Variants in AQR observed in about 807,000 individuals in gnomAD.
AQR encodes RNA helicase aquarius.
In AQR, 61 loss-of-function variants were observed where a neutral mutation model predicts 180.5. The ratio of observed to expected loss-of-function variants is 0.34; its 90% CI spans 0.28 to 0.42. AQR has a LOEUF of 0.42. Among genes scored for constraint, AQR ranks in the 10% least tolerant of loss-of-function variants. AQR has a pLI of 1.00. For synonymous variants in AQR, 551 were observed against 588.8 expected, an observed-to-expected ratio of 0.94 and a Z score of 0.93; for missense variants, 1,281 against 1,798.3, an observed-to-expected ratio of 0.71 and a Z score of 5.20.
intron 12 of AQR, among the ~76,000 whole-genome samples, chr15:34,929,744 T>C (rs895052371): frequency 7.9e-5 from 12 of 151,928 alleles, no homozygotes; most frequent in Non-Finnish European, 1.3e-4. Context: ...GCTGGATTAC[T>C]TTAAACAGAA....
At chr15:34,915,932 G>A (rs1195980436) in intron 15 of AQR, among the ~76,000 whole-genome samples, 2 of 150,848 alleles carry the variant, frequency 1.3e-5, no homozygotes, top group Non-Finnish European at 2.9e-5. Flanking sequence ...GGCAACAAGA[G>A]CAAAACTCCG....
chr15:34,861,990 T>A (rs564161962), intron 33 of AQR, among the ~76,000 whole-genome samples: 1 of 152,176 alleles, frequency 6.6e-6, no homozygotes, highest in African/African-American at 2.4e-5. Context: ...GTCTATAGTA[T>A]AATAACCTGA....
intron 24 of AQR, among the ~76,000 whole-genome samples, chr15:34,888,364 T>G (rs992995522): frequency 2.0e-5 from 3 of 151,518 alleles, no homozygotes; most frequent in African/African-American, 7.3e-5. Context: ...TCTGCTCAAT[T>G]AGTACATTAT....
intron 17 of AQR, among the ~76,000 whole-genome samples, chr15:34,908,391 G>C (rs1032712220): frequency 1.3e-5 from 2 of 151,990 alleles, no homozygotes; most frequent in African/African-American, 2.4e-5. Context: ...AGCCGAGATT[G>C]TGCCACTGCC....
At chr15:34,930,415 G>A (rs764866512) in intron 11 of AQR, 44 bp from the exon 12 acceptor site, 4 of 1,117,958 alleles carry the variant, frequency 3.6e-6, no homozygotes, top group Middle Eastern at 1.9e-4. Flanking sequence ...GAACATAAGG[G>A]CAAGAAAGCA....
chr15:34,857,628 G>A (rs1195567571), intron 34 of AQR, among the ~76,000 whole-genome samples: 1 of 152,198 alleles, frequency 6.6e-6, no homozygotes, highest in African/African-American at 2.4e-5. Context: ...GCAGGAGCCT[G>A]TAATCCCATC....
chr15:34,903,672 A>T (rs916395620), intron 19 of AQR, among the ~76,000 whole-genome samples: 1 of 152,186 alleles, frequency 6.6e-6, no homozygotes, highest in African/African-American at 2.4e-5. Context: ...ATGTCTAAGA[A>T]GTACTGCACT....
Position 34,873,943 on chromosome 15 carries a change from T to C in AQR, c.3482A>G (p.Gln1161Arg), listed in dbSNP as rs1892857721. ...YKNLGNLPHV[Q>R]LLPEFSTANA... ...TGCTGTACTAAACTCTGGCAAGAGC[T>C]GCACATGGGGTAAGTTTCCTAGATT... The change falls in exon 30 of 35, where the codon CAG (glutamine) becomes CGG (arginine). Residue 1161 changes from glutamine (Q) to arginine (R), a missense_variant. Gln to Arg is a conservative substitution (Grantham distance 43). Coordinates refer to ENST00000156471, the MANE Select transcript of AQR (RefSeq NM_014691.3). 6.2e-7 allele frequency: 1 copy of C among 1,612,290 alleles called. No individual in the cohort carries two copies. The highest frequency in any genetic ancestry group is 1.3e-5 in the African/African-American group (1 of 74,994).
At position 34,915,133 on chromosome 15, in the gene AQR, A is replaced by G. The variant is rs1216224730; in HGVS notation, c.1389T>C (p.His463=). ...PKLNLQFLTL[H]DYLLRNFNLF... is the part of the protein sequence containing the mutation. Reference sequence around the variant, plus strand: ...GGTTAAAGTTCCTTAGCAGGTAGTCATGAAGAGTCAAAAACTGCAAATTCA... The same window carrying G: ...GGTTAAAGTTCCTTAGCAGGTAGTCGTGAAGAGTCAAAAACTGCAAATTCA... The change falls in exon 16 of 35, where the codon CAT becomes CAC. Residue 463 remains histidine (H), a synonymous_variant. Coordinates refer to ENST00000156471, the MANE Select transcript of AQR (RefSeq NM_014691.3). 6.2e-7 allele frequency: 1 copy of G among 1,610,994 alleles called. No individual in the cohort carries two copies.
chr15:34,860,402 C>T (rs1456703252), intron 33 of AQR, among the ~76,000 whole-genome samples: 5 of 150,306 alleles, frequency 3.3e-5, no homozygotes, highest in Non-Finnish European at 7.4e-5. Flanking sequence ...GGCCACGTGA[C>T]TCCCATTAAA....
intron 24 of AQR, among the ~76,000 whole-genome samples, chr15:34,889,105 G>A (rs567563964): frequency 2.1e-3 from 316 of 152,214 alleles, no homozygotes; most frequent in Non-Finnish European, 3.6e-3. Flanking sequence ...GCACCTTCAT[G>A]TTCACTGAAT....
In AQR at chr15:34,920,323, A is replaced by G; in HGVS notation, c.1221+9T>C. ...CCACATGCAAAATTCAGAGAACATT[A>G]ATATTTACCAGCAATTCTAGAAGAA... On this transcript the variant is annotated intron_variant, in intron 14 of 34. Transcript: ENST00000156471. 1 of 1,578,480 alleles carries G rather than the reference A, an allele frequency of 6.3e-7. No homozygotes were observed. Among genetic ancestry groups the G allele is most frequent in the Non-Finnish European group, 8.7e-7 (1 of 1,150,104 alleles).
intron 29 of AQR, chr15:34,874,378 T>G (rs1595782837): frequency 2.9e-6 from 1 of 345,358 alleles, no homozygotes; most frequent in Non-Finnish European, 5.1e-6. Flanking sequence ...TTTTAGATTT[T>G]AAAATTATAT....
intron 10 of AQR, 140 bp from the exon 11 acceptor site, chr15:34,932,574 G>C: frequency 1.8e-6 from 1 of 563,104 alleles, no homozygotes; most frequent in East Asian, 3.1e-5. Context: ...TGTATACAAT[G>C]CAAGAGGTCC....
intron 20 of AQR, among the ~76,000 whole-genome samples, chr15:34,898,536 G>T (rs1265013337): frequency 1.3e-5 from 2 of 152,142 alleles, no homozygotes; most frequent in African/African-American, 4.8e-5. Flanking sequence ...GAAAGATTTT[G>T]CTATCATAAA....
In AQR at chr15:34,884,559, A is replaced by T. The variant is rs1344280698; in HGVS notation, c.2993T>A (p.Phe998Tyr). 1 of 1,601,486 alleles carries T rather than the reference A, an allele frequency of 6.2e-7. No homozygotes were observed. Among genetic ancestry groups the T allele is most frequent in the East Asian group, 2.3e-5 (1 of 44,288 alleles). Residue 998 changes from phenylalanine to tyrosine, a missense_variant, in exon 26 of 35, where the codon TTC (phenylalanine) becomes TAC (tyrosine). Around this residue, in one of 9 missense-constraint regions of AQR, gnomAD observed 125 missense variants for 185.0 expected, o/e 0.68. Transcript: ENST00000156471. Reference protein sequence around the residue: ...EEDMEIAEGCFRHIKKIFTQL... With the variant: ...EEDMEIAEGCYRHIKKIFTQL... ...CGTAAAGATTTTCTTAATATGCCTG[A>T]AACATCCTTCAGCAATTTCCATGTC... is the stretch of plus-strand genomic sequence containing the variant.
At chr15:34,967,675 C>T (rs1177750199) in intron 1 of AQR, among the ~76,000 whole-genome samples, 1 of 152,138 alleles carries the variant, frequency 6.6e-6, no homozygotes, top group Non-Finnish European at 1.5e-5. Context: ...AAACGAAGTT[C>T]TGTACAGCTA....
chr15:34,934,462 T>C, intron 10 of AQR, 109 bp downstream of exon 10: 1 of 510,668 alleles, frequency 2.0e-6, no homozygotes, highest in Non-Finnish European at 3.3e-6. Context: ...AATATATACA[T>C]ATGTATTGAA....
At chr15:34,962,867 C>A (rs1272721632) in intron 2 of AQR, among the ~76,000 whole-genome samples, 1 of 152,098 alleles carries the variant, frequency 6.6e-6, no homozygotes, top group Non-Finnish European at 1.5e-5. Flanking sequence ...GTAAAAAGTT[C>A]AGTTTTACCA....
Sources: allele counts gnomAD v4.1 joint callset (sites outside exome capture counted in the v4.1 genomes callset), GRCh38; gene constraint gnomAD v4.1.1; regional missense constraint gnomAD v4.1.1; transcripts MANE v1.5; gene names NCBI Gene and HGNC (gene_info 2026-07-23, HGNC 2026-07-21).